The following VCP variants were observed in gnomAD, a reference collection of about 807,000 sequenced individuals.
The protein encoded by VCP is transitional endoplasmic reticulum ATPase.
A neutral mutation model predicts 85.7 loss-of-function variants in VCP; 6 were observed. The observed-to-expected ratio is 0.07, with a 90% CI of 0.04 to 0.14. The LOEUF (loss-of-function observed/expected upper bound fraction) is 0.14, where lower values mean the gene tolerates loss of function less well. VCP is among the 10% of genes least tolerant of loss of function. The pLI, the probability that VCP is intolerant of heterozygous loss-of-function variation, is 1.00. For synonymous variants in VCP, 384 were observed against 367.1 expected (o/e 1.05, Z -0.53); for missense variants, 353 against 1,043.4 (o/e 0.34, Z 9.12).
chr9:35,071,182 G>C (rs148671749), intron 1 of VCP, among the ~76,000 whole-genome samples: 157 of 151,830 alleles, frequency 1.0e-3, no homozygotes, highest in African/African-American at 3.6e-3. Flanking sequence ...ATAAGCAACT[G>C]AGTAATACTT....
intron 3 of VCP, among the ~76,000 whole-genome samples, chr9:35,067,036 A>C (rs1382161294): frequency 2.0e-5 from 3 of 152,338 alleles, no homozygotes; most frequent in Admixed American, 2.0e-4. Flanking sequence ...ACACATTTAG[A>C]AACCCCACAA....
chr9:35,068,354 C>T lies in VCP; in HGVS notation c.26G>A (p.Gly9Asp), dbSNP rs751227891. Residue 9 changes from glycine (G) to aspartate (D), a missense_variant, in exon 2 of 17, where the codon GGT becomes GAT. Physicochemically the swap from Gly to Asp is moderately conservative, Grantham distance 94. Around this residue, in one of 8 missense-constraint regions of VCP, gnomAD observed 69 missense variants for 132.9 expected, o/e 0.52. Transcript: ENST00000358901. Reference sequence around the variant, plus strand: ...GAGAATGGCTGTTGATAGGTCATCACCTTTTGAACTAGAAGGAGGAAATGG... The same window carrying T: ...GAGAATGGCTGTTGATAGGTCATCATCTTTTGAACTAGAAGGAGGAAATGG... The part of the protein sequence containing the change: MASGADSK[G>D]DDLSTAILKQ... The T allele has an allele frequency of 1.2e-6, 2 of 1,614,114 alleles. No individual in the cohort carries two copies. The highest frequency in any genetic ancestry group is 1.1e-5 in the South Asian group (1 of 91,076).
At position 35,061,568 on chromosome 9, in the gene VCP, T is replaced by C. The variant is rs993856172; in HGVS notation, c.1194+9A>G. On this transcript the variant is annotated intron_variant, in intron 10 of 16. Coordinates refer to ENST00000358901, the MANE Select transcript of VCP (RefSeq NM_007126.5). ...TGTAACGCCTGGTCAGCCATCATCA[T>C]CACTTCACCTGTTCCAGGTCCACAT... The C allele has an allele frequency of 8.7e-6, 14 of 1,613,166 alleles. No homozygotes were observed. The highest frequency in any genetic ancestry group is 2.2e-5 in the South Asian group (2 of 91,068).
At chr9:35,068,169 G>C (rs1828870441) in intron 2 of VCP, 82 bp downstream of exon 2, 1 of 1,605,254 alleles carries the variant, frequency 6.2e-7, no homozygotes. Context: ...TGCAGTCACT[G>C]CAAGAAAAAT....
In VCP at chr9:35,068,440, G is replaced by A. The variant is rs1012778795; in HGVS notation, c.18-78C>T. 1.3e-5 allele frequency: 17 copies of A among 1,270,776 alleles called. No homozygotes were observed. The African/African-American group carries it at 2.4e-4, about 18-fold the overall frequency. The allele number at this position is 1,270,776 out of a possible 1,614,324, so 78.7% of individuals were successfully genotyped here. A position where few individuals can be genotyped will look rare whatever the true frequency, so the allele number is the denominator to read the frequency against. On this transcript the variant is annotated intron_variant, in intron 1 of 16. Coordinates refer to ENST00000358901, the MANE Select transcript of VCP (RefSeq NM_007126.5). The stretch of plus-strand genomic sequence containing the variant: ...GTCTCTAAAACTCATACTTAGGAAA[G>A]AAACAGTGAATAGATGAAGCTGTCC...
At chr9:35,068,470 A>G (rs908258988) in intron 1 of VCP, 108 bp from the exon 2 acceptor site, 24 of 1,034,558 alleles carry the variant, frequency 2.3e-5, no homozygotes, top group Admixed American at 8.6e-5. Flanking sequence ...CTGTCCCTAG[A>G]CCAGAAAGCT....
intron 1 of VCP, chr9:35,072,046 C>T: frequency 8.2e-7 from 1 of 1,226,374 alleles, no homozygotes; most frequent in Non-Finnish European, 1.0e-6. Flanking sequence ...CCCAGACGTC[C>T]GTTCTAAGGG....
rs956715128 is a variant in VCP at position 35,057,519 on chromosome 9, C to T, written c.2172G>A (p.Glu724=). ...QTNPSAMEVE[E]DDPVPEIRRD... ...GACGGATCTCAGGCACTGGATCATC[C>T]TCTTCTACCTCCTATAGTTGGTAAA... Residue 724 remains glutamate, a synonymous_variant, in exon 16 of 17, where the codon GAG becomes GAA. Coordinates refer to ENST00000358901, the MANE Select transcript of VCP (RefSeq NM_007126.5). The T allele has an allele frequency of 6.2e-7, 1 of 1,610,376 alleles. No individual in the cohort carries two copies. Among genetic ancestry groups the T allele is most frequent in the African/African-American group, 1.3e-5 (1 of 75,074 alleles).
In VCP at chr9:35,071,915, C is replaced by G. The variant is rs373157397; in HGVS notation, c.17+422G>C. On this transcript the variant is annotated intron_variant, in intron 1 of 16. Coordinates refer to ENST00000358901, the MANE Select transcript of VCP (RefSeq NM_007126.5). ...CCGGGCCCGGCTGGGGCCTCGGGCT[C>G]GCGGGGCCTGCTCTCTCCGGGGACC... 4 of 1,006,148 alleles carry G rather than the reference C, an allele frequency of 4.0e-6. No homozygotes were observed. The African/African-American group carries it at 6.9e-5, about 17-fold the overall frequency. 62.3% of individuals were successfully genotyped at this position (1,006,148 alleles called of 1,614,324 possible).
Position 35,057,204 on chromosome 9 carries a change from C to T in VCP, c.2334G>A (p.Gln778=). Reference sequence around the variant, plus strand: ...TGCCCTGACTGGGGCCAGCTCCACCCTGGTTCCCTGAAGGGAATCTGTGTA... The same window carrying T: ...TGCCCTGACTGGGGCCAGCTCCACCTTGGTTCCCTGAAGGGAATCTGTGTA... ...FGSFRFPSGN[Q]GGAGPSQGSG... Residue 778 remains glutamine (Q), a synonymous_variant, in exon 17 of 17, where the codon CAG becomes CAA. Transcript: ENST00000358901. 1 of 1,614,230 alleles carries T rather than the reference C, an allele frequency of 6.2e-7. No individual in the cohort carries two copies. Among genetic ancestry groups the T allele is most frequent in the Non-Finnish European group, 8.5e-7 (1 of 1,180,042 alleles).
In VCP at chr9:35,059,850, T is replaced by G; in HGVS notation, c.1696-49A>C. Reference sequence around the variant, plus strand: ...AAGCACTAACAAAACTAGATGTCTCTAGGCAAACGTGGTGGCTCACACCTG... The same window carrying G: ...AAGCACTAACAAAACTAGATGTCTCGAGGCAAACGTGGTGGCTCACACCTG... On this transcript the variant is annotated intron_variant, in intron 13 of 16. Transcript: ENST00000358901. This position sits in a 1 kb window ranked among gnomAD's most constrained non-coding sequence, Gnocchi z 4.9. The G allele has an allele frequency of 5.0e-6, 8 of 1,611,358 alleles. No homozygotes were observed. Among genetic ancestry groups the G allele is most frequent in the African/African-American group, 1.3e-5 (1 of 74,944 alleles).
intron 6 of VCP, 71 bp downstream of exon 6, chr9:35,064,083 G>C: frequency 6.2e-7 from 1 of 1,606,778 alleles, no homozygotes; most frequent in Non-Finnish European, 8.5e-7. Context: ...AACAGTCCCA[G>C]GATTAGACAT....
At chr9:35,066,634 C>T (rs775655244) in intron 4 of VCP, 41 bp downstream of exon 4, 7 of 1,609,268 alleles carry the variant, frequency 4.3e-6, no homozygotes, top group Non-Finnish European at 4.2e-6. Context: ...AAGGTTTATT[C>T]CCTACAGTCA....
In VCP at chr9:35,072,299, G is replaced by C. The variant is rs576209072; in HGVS notation, c.17+38C>G. 4.9e-5 allele frequency: 72 copies of C among 1,482,582 alleles called. 1 individual carries two copies. In the Admixed American group the frequency reaches 1.1e-3, roughly 24 times the overall value. The allele number at this position is 1,482,582 out of a possible 1,614,324, so 91.8% of individuals were successfully genotyped here. ...TACCCTGCGCGGCTGGTCCCGGTGC[G>C]CGCCGCCGCAGCAAGCGAACGGCGC... is the stretch of plus-strand genomic sequence containing the variant. On this transcript the variant is annotated intron_variant, in intron 1 of 16. Transcript: ENST00000358901.
In VCP at chr9:35,056,433, G is replaced by A. The variant is rs1369362319; in HGVS notation, c.*684C>T. 1 of 155,974 alleles carries A rather than the reference G, an allele frequency of 6.4e-6. No individual in the cohort carries two copies. The highest frequency in any genetic ancestry group is 2.4e-5 in the African/African-American group (1 of 41,478). 9.7% of individuals were successfully genotyped at this position (155,974 alleles called of 1,614,324 possible). A position where few individuals can be genotyped will look rare whatever the true frequency, so the allele number is the denominator to read the frequency against. On this transcript the variant is annotated 3_prime_UTR_variant, in exon 17 of 17. Transcript: ENST00000358901. ...AGGCAACAGGAGACATCATACCGAT[G>A]TTGATCAGGAGAGGAAGAAGGTGCA...
chr9:35,067,136 T>G (rs904382006), intron 3 of VCP, among the ~76,000 whole-genome samples: 19 of 152,096 alleles, frequency 1.2e-4, no homozygotes, highest in African/African-American at 3.9e-4. Flanking sequence ...GGTCTTAAGC[T>G]AACAATTGTC....
intron 9 of VCP, 150 bp downstream of exon 9, chr9:35,061,853 G>A: frequency 6.8e-7 from 1 of 1,474,270 alleles, no homozygotes; most frequent in South Asian, 1.2e-5. Flanking sequence ...AAACCAGGGT[G>A]GTTGGTCACT....
chr9:35,059,624 G>A lies in VCP; in HGVS notation c.1873C>T (p.Arg625Trp), dbSNP rs1587120279. 6.2e-7 allele frequency: 1 copy of A among 1,614,156 alleles called. No homozygotes were observed. The highest frequency in any genetic ancestry group is 8.5e-7 in the Non-Finnish European group (1 of 1,180,024). The stretch of plus-strand genomic sequence containing the variant: ...ATGGCAGGATCAATGATGTCAGGCC[G>A]GTTGGTAGCGCCAATGATGAACACA... Reference protein sequence around the residue: ...KNVFIIGATNRPDIIDPAILR... With the variant: ...KNVFIIGATNWPDIIDPAILR... The change falls in exon 14 of 17, where the codon CGG becomes TGG. Residue 625 changes from arginine (R) to tryptophan (W), a missense_variant. Around this residue, in one of 8 missense-constraint regions of VCP, gnomAD observed 30 missense variants for 192.3 expected, o/e 0.16. Transcript: ENST00000358901. This position sits in a 1 kb window ranked among gnomAD's most constrained non-coding sequence, Gnocchi z 4.9.
At chr9:35,064,459 G>A (rs1828788844) in intron 5 of VCP, among the ~76,000 whole-genome samples, 174 bp from the exon 6 acceptor site, 1 of 152,188 alleles carries the variant, frequency 6.6e-6, no homozygotes, top group African/African-American at 2.4e-5. Context: ...GCAGAGGTGG[G>A]AGGAATGCTT....
Sources: gnomAD v4.1 joint callset for allele counts (sites outside exome capture counted in the v4.1 genomes callset) on GRCh38, gnomAD v4.1.1 for gene constraint, gnomAD v4.1.1 regional missense constraint, Gnocchi (gnomAD v3.1) non-coding constraint, MANE v1.5 for transcripts, NCBI Gene and HGNC (gene_info 2026-07-23, HGNC 2026-07-21) for gene names.